The following RERE variants were observed in gnomAD, a reference collection of about 807,000 sequenced individuals.
RERE encodes the protein arginine-glutamic acid dipeptide repeats, also known as arginine-glutamic acid dipeptide repeats protein.
Under a neutral mutation model 146.1 loss-of-function variants are expected in RERE, and 40 were observed. That is an observed-to-expected ratio of 0.27 (90% CI 0.21 to 0.36). The LOEUF is 0.36. Among genes scored for constraint, RERE ranks in the 10% least tolerant of loss-of-function variants. The pLI, the probability that RERE is intolerant of heterozygous loss-of-function variation, is 1.00. For synonymous variants in RERE, 1,003 were observed against 866.0 expected, an observed-to-expected ratio of 1.16 and a Z score of -2.78; for missense variants, 1,933 against 2,138.7, an observed-to-expected ratio of 0.90 and a Z score of 1.90.
At chr1:8,486,077 C>A (rs1011735618) in intron 10 of RERE, among the ~76,000 whole-genome samples, 1 of 152,110 alleles carries the variant, frequency 6.6e-6, no homozygotes, top group Admixed American at 6.6e-5. Flanking sequence ...GAATTACAGG[C>A]GTAAGCCACC....
rs1187425730 is a variant in RERE at position 8,501,027 on chromosome 1, C to CG, written c.880-3499dup. On this transcript the variant is annotated intron_variant, in intron 8 of 22. Transcript: ENST00000400908. The stretch of plus-strand genomic sequence containing the variant: ...GTCTCCGCCCGGCAGCCACCCCGTC[C>CG]GGGAGGGGGGGGGGGGGTCAGCCCC... Among the ~76,000 whole-genome samples, 124 of 38,258 alleles carry CG rather than the reference C, an allele frequency of 3.2e-3. 13 individuals carry two copies. Among genetic ancestry groups the CG allele is most frequent in the Non-Finnish European group, 5.4e-3 (89 of 16,424 alleles). The allele number at this position is 38,258 out of a possible 152,430, so 25.1% of individuals were successfully genotyped here.
At chr1:8,455,618 G>A (rs900719972) in intron 11 of RERE, among the ~76,000 whole-genome samples, 2 of 152,112 alleles carry the variant, frequency 1.3e-5, no homozygotes, top group African/African-American at 2.4e-5. Flanking sequence ...CTCCCTAGAC[G>A]GTGGCAGCTC....
At chr1:8,425,670 T>G (rs976221522) in intron 11 of RERE, 2 of 152,274 alleles carry the variant, frequency 1.3e-5, no homozygotes, top group Non-Finnish European at 2.9e-5. Flanking sequence ...GTGGGCTTGA[T>G]ACCAAGTGAC....
rs1342111317 is a variant in RERE, at chr1:8,662,985, C to CAT, written c.-144-6545_-144-6544insAT. 3.9e-5 allele frequency among the ~76,000 whole-genome samples: 6 copies of CAT among 152,042 alleles called. No individual in the cohort carries two copies. The East Asian group carries it at 1.2e-3, about 29-fold the overall frequency. ...AAAGTGCTTTACAAATGTAAAATATCAATAATATGTATTTATTTCAGTCAT... is the reference window on the plus strand; with the variant it reads ...AAAGTGCTTTACAAATGTAAAATATCATAATAATATGTATTTATTTCAGTCAT... On this transcript the variant is annotated intron_variant, in intron 1 of 22. Transcript: ENST00000400908.
At chr1:8,786,674 A>G (rs1395875601) in intron 1 of RERE, 7 of 785,626 alleles carry the variant, frequency 8.9e-6, no homozygotes, top group Admixed American at 8.5e-5. Flanking sequence ...ACAAAGGCCA[A>G]TTTGGGTTCT....
At chr1:8,729,029 G>A (rs1278289287) in intron 1 of RERE, among the ~76,000 whole-genome samples, 1 of 151,920 alleles carries the variant, frequency 6.6e-6, no homozygotes, top group Non-Finnish European at 1.5e-5. Context: ...GCTGGGCATG[G>A]TGGCGCAAGC....
chr1:8,534,770 G>T (rs1192318719), intron 7 of RERE, among the ~76,000 whole-genome samples: 2 of 152,226 alleles, frequency 1.3e-5, no homozygotes, highest in African/African-American at 2.4e-5. Context: ...AAGGGAAAAA[G>T]AGACACCGTA....
At chr1:8,762,304 T>C (rs778330903) in intron 1 of RERE, among the ~76,000 whole-genome samples, 4 of 152,194 alleles carry the variant, frequency 2.6e-5, no homozygotes, top group Non-Finnish European at 5.9e-5. Context: ...CAATGTCTAA[T>C]TGAACTGTGA....
intron 4 of RERE, among the ~76,000 whole-genome samples, chr1:8,610,204 A>C (rs1646775831): frequency 6.6e-6 from 1 of 152,222 alleles, no homozygotes; most frequent in South Asian, 2.1e-4. Flanking sequence ...TTCCAGAAAA[A>C]TGTACATATA....
At chr1:8,762,511 C>G (rs1381264187) in intron 1 of RERE, among the ~76,000 whole-genome samples, 2 of 152,030 alleles carry the variant, frequency 1.3e-5, no homozygotes, top group Non-Finnish European at 2.9e-5. Context: ...GAAACCAGCC[C>G]TTTTTGGTTC....
At chr1:8,535,756 A>G (rs760324052) in intron 7 of RERE, among the ~76,000 whole-genome samples, 4 of 152,144 alleles carry the variant, frequency 2.6e-5, no homozygotes, top group Non-Finnish European at 5.9e-5. Flanking sequence ...CACTTCTAGG[A>G]AGAGGAAGAG....
intron 11 of RERE, 62 bp downstream of exon 11, chr1:8,465,863 C>T: frequency 7.1e-7 from 1 of 1,406,044 alleles, no homozygotes; most frequent in Non-Finnish European, 1.0e-6. Context: ...AGGGAGGTCA[C>T]ACACTGAGAC....
At chr1:8,642,606 A>G (rs1019282873) in intron 2 of RERE, among the ~76,000 whole-genome samples, 2 of 152,238 alleles carry the variant, frequency 1.3e-5, no homozygotes, top group Non-Finnish European at 2.9e-5. Context: ...GTTTATAAAC[A>G]AGACTAATTT....
chr1:8,627,972 C>T (rs1428444156), intron 2 of RERE, among the ~76,000 whole-genome samples: 1 of 152,180 alleles, frequency 6.6e-6, no homozygotes, highest in Admixed American at 6.5e-5. Context: ...CCTCACACAC[C>T]TGGCCTGAGA....
At chr1:8,534,989 A>G (rs1212317730) in intron 7 of RERE, among the ~76,000 whole-genome samples, 6 of 152,210 alleles carry the variant, frequency 3.9e-5, no homozygotes, top group Admixed American at 2.0e-4. Flanking sequence ...CAGTAGTCCC[A>G]GCTACTAGGG....
rs750730818 is a variant in RERE, at chr1:8,364,099, A to G, written c.1697T>C (p.Leu566Pro). The G allele has an allele frequency of 8.7e-6, 14 of 1,614,110 alleles. No homozygotes were observed. Among genetic ancestry groups the G allele is most frequent in the Non-Finnish European group, 1.2e-5 (14 of 1,180,028 alleles). The change falls in exon 15 of 23, where the codon CTC becomes CCC. Residue 566 changes from leucine (L) to proline (P), a missense_variant. Coordinates refer to ENST00000400908, the MANE Select transcript of RERE (RefSeq NM_001042681.2). This position sits in a 1 kb window ranked among gnomAD's most constrained non-coding sequence, Gnocchi z 5.1. Reference protein sequence around the residue: ...FKPVKEEDDGLSGKHSMRTRR... With the variant: ...FKPVKEEDDGPSGKHSMRTRR... ...TGTCCTCATGCTATGCTTCCCACTG[A>G]GCCCATCATCCTCTTCCTTGACGGG...
At chr1:8,462,673 C>T (rs565406470) in intron 11 of RERE, among the ~76,000 whole-genome samples, 25 of 152,162 alleles carry the variant, frequency 1.6e-4, no homozygotes, top group Non-Finnish European at 3.5e-4. Flanking sequence ...AAGGGAAACC[C>T]GTTCATCAAG....
chr1:8,485,687 CAGAG>C (rs1253269485), intron 10 of RERE, among the ~76,000 whole-genome samples: 1 of 151,492 alleles, frequency 6.6e-6, no homozygotes, highest in African/African-American at 2.4e-5. Flanking sequence ...GGTCAAAAGA[CAGAG>C]AAAGACACAA....
chr1:8,423,815 C>G lies in RERE; in HGVS notation c.1204-1008G>C, dbSNP rs995542471. 21 of 530,658 alleles carry G rather than the reference C, an allele frequency of 4.0e-5. No individual in the cohort carries two copies. In the African/African-American group the frequency reaches 4.4e-4, roughly 11 times the overall value. The allele number at this position is 530,658 out of a possible 1,614,324, so 32.9% of individuals were successfully genotyped here. On this transcript the variant is annotated intron_variant, in intron 11 of 22. Transcript: ENST00000400908. This position sits in a 1 kb window ranked among gnomAD's most constrained non-coding sequence, Gnocchi z 5.4. ...CGGCGCGCAGAGCCCGGCGCGGCCGCGGGCGGCTGCAAAAGGCGGCCTGGA... is the reference window on the plus strand; with the variant it reads ...CGGCGCGCAGAGCCCGGCGCGGCCGGGGGCGGCTGCAAAAGGCGGCCTGGA...
Sources: gnomAD v4.1 joint callset for allele counts (sites outside exome capture counted in the v4.1 genomes callset) on GRCh38, gnomAD v4.1.1 for gene constraint, Gnocchi (gnomAD v3.1) non-coding constraint, MANE v1.5 for transcripts, NCBI Gene and HGNC (gene_info 2026-07-23, HGNC 2026-07-21) for gene names.